Variants in COG1 observed in about 807,000 individuals in gnomAD.
COG1 encodes the protein conserved oligomeric Golgi complex subunit 1.
Under a neutral mutation model 102.2 loss-of-function variants are expected in COG1, and 61 were observed. The ratio of observed to expected loss-of-function variants is 0.60; its 90% CI spans 0.49 to 0.74. The LOEUF is 0.74. Ranked by LOEUF, COG1 falls within the 30% of genes least tolerant of loss-of-function variation. The pLI, the probability that COG1 is intolerant of heterozygous loss-of-function variation, is 0.00. For synonymous variants in COG1, 454 were observed against 493.6 expected (o/e 0.92, Z 1.06); for missense variants, 1,164 against 1,232.1 (o/e 0.94, Z 0.83).
intron 10 of COG1, chr17:73,205,912 A>G: frequency 1.5e-6 from 1 of 684,886 alleles, no homozygotes; most frequent in South Asian, 1.7e-5. Flanking sequence ...TCAGCCTAGC[A>G]GCTGCTGAGT....
rs193248551 is a variant in COG1, at chr17:73,196,904, A to C, written c.565A>C (p.Thr189Pro). 1.1e-5 allele frequency: 18 copies of C among 1,614,074 alleles called. No homozygotes were observed. The highest frequency in any genetic ancestry group is 1.4e-5 in the Non-Finnish European group (17 of 1,180,042). ...CTTCTGTCATCATTTTTCTAGGTCAACTATTCTGCATGAAAGCAAGATGTT... is the reference window on the plus strand; with the variant it reads ...CTTCTGTCATCATTTTTCTAGGTCACCTATTCTGCATGAAAGCAAGATGTT... ...QVAAASHFRS[T>P]ILHESKMLLK... Residue 189 changes from threonine to proline, a missense_variant, in exon 3 of 14, where the codon ACT (threonine) becomes CCT (proline). Coordinates refer to ENST00000299886, the MANE Select transcript of COG1 (RefSeq NM_018714.3).
Position 73,203,290 on chromosome 17 carries a change from G to A in COG1, c.2220+144G>A, listed in dbSNP as rs923860104. On this transcript the variant is annotated intron_variant, in intron 8 of 13. Coordinates refer to ENST00000299886, the MANE Select transcript of COG1 (RefSeq NM_018714.3). ...TTTCTACTGTGGGGGCATAGTAGAT[G>A]TAGGGCTAAGTAAATGGCAGACTGT... 49 of 1,021,226 alleles carry A rather than the reference G, an allele frequency of 4.8e-5. 1 individual carries two copies. Among genetic ancestry groups the A allele is most frequent in the Middle Eastern group, 2.2e-4 (1 of 4,568 alleles). The allele number at this position is 1,021,226 out of a possible 1,614,324, so 63.3% of individuals were successfully genotyped here.
chr17:73,201,976 C>T, intron 7 of COG1, 76 bp downstream of exon 7: 2 of 1,337,128 alleles, frequency 1.5e-6, no homozygotes, highest in Admixed American at 1.8e-5. Context: ...CAATCAGTTC[C>T]TTCAGTAGTA....
chr17:73,207,955 C>G (rs1436192121), intron 13 of COG1: 6 of 1,214,000 alleles, frequency 4.9e-6, no homozygotes, highest in Non-Finnish European at 6.2e-6. Flanking sequence ...AAAGCTCTTG[C>G]AAAAACCATC....
chr17:73,195,280 C>T (rs576707096), intron 1 of COG1, among the ~76,000 whole-genome samples: 6 of 151,902 alleles, frequency 3.9e-5, no homozygotes, highest in South Asian at 4.2e-4. Context: ...ACAACCTGGT[C>T]GAGGAAATAA....
At chr17:73,202,023 A>G in intron 7 of COG1, 123 bp downstream of exon 7, 1 of 1,076,504 alleles carries the variant, frequency 9.3e-7, no homozygotes, top group Non-Finnish European at 1.4e-6. Flanking sequence ...GGTTAACTTT[A>G]TCTCTGCCAG....
chr17:73,197,294 G>A lies in COG1; in HGVS notation c.811G>A (p.Ala271Thr). The change falls in exon 4 of 14, where the codon GCC (alanine) becomes ACC (threonine). Residue 271 changes from alanine to threonine, a missense_variant. Ala to Thr is a moderately conservative substitution (Grantham distance 58). Coordinates refer to ENST00000299886, the MANE Select transcript of COG1 (RefSeq NM_018714.3). Reference sequence around the variant, plus strand: ...GGCCACCACTCTGAAGCAAGCTCATGCCCTTTTCTACACTTTGCCAGAAGG... The same window carrying A: ...GGCCACCACTCTGAAGCAAGCTCATACCCTTTTCTACACTTTGCCAGAAGG... The part of the protein sequence containing the change: ...LLATTLKQAH[A>T]LFYTLPEGLL... 1.2e-6 allele frequency: 2 copies of A among 1,614,224 alleles called. No homozygotes were observed. Among genetic ancestry groups the A allele is most frequent in the Non-Finnish European group, 1.7e-6 (2 of 1,180,052 alleles).
chr17:73,199,647 T>A (rs1488152440), intron 4 of COG1, among the ~76,000 whole-genome samples: 1 of 152,120 alleles, frequency 6.6e-6, no homozygotes, highest in East Asian at 1.9e-4. Context: ...TGATCATGGG[T>A]CACTGCAGCC....
Position 73,206,694 on chromosome 17 carries a change from C to T in COG1, c.2620-14C>T. The T allele has an allele frequency of 6.3e-7, 1 of 1,583,278 alleles. No homozygotes were observed. ...CTGCACAATGAAACCTCTGCTCCAC[C>T]TCTTGTCTGCCAGGTTCTGTTTGGA... On this transcript the variant is annotated splice_polypyrimidine_tract_variant and intron_variant, in intron 11 of 13. Transcript: ENST00000299886.
At position 73,201,377 on chromosome 17, in the gene COG1, TC is replaced by T; in HGVS notation, c.1551del (p.Cys518ValfsTer8). ...GCCATCAGCCCTTGTGTACAGAACT[TC>T]TGTTCTGCCCTGGATTCTAAGCTGA... The part of the protein sequence containing the change: ...AQAISPCVQN[F>X]CSALDSKLKV... On this transcript the variant is annotated frameshift_variant, in exon 7 of 14. Transcript: ENST00000299886. LOFTEE classifies it high-confidence loss of function. 6.2e-7 allele frequency: 1 copy of T among 1,614,182 alleles called. No homozygotes were observed. Among genetic ancestry groups the T allele is most frequent in the Non-Finnish European group, 8.5e-7 (1 of 1,180,034 alleles).
rs142830395 is a variant in COG1 at position 73,200,738 on chromosome 17, G to C, written c.1243G>C (p.Glu415Gln). 54 of 1,614,070 alleles carry C rather than the reference G, an allele frequency of 3.3e-5. No homozygotes were observed. The African/African-American group carries it at 6.1e-4, about 18-fold the overall frequency. The change falls in exon 6 of 14, where the codon GAA becomes CAA. Residue 415 changes from glutamate to glutamine, a missense_variant. By Grantham distance (29) the Glu-to-Gln change is conservative. Transcript: ENST00000299886. Reference protein sequence around the residue: ...RLLEKPLLFWEDMMQQLFLDR... With the variant: ...RLLEKPLLFWQDMMQQLFLDR... ...TCTGGAGAAGCCGCTCTTGTTCTGG[G>C]AAGATATGATGCAGCAACTGTTCCT...
Position 73,201,212 on chromosome 17 carries a change from A to G in COG1, c.1385A>G (p.Asn462Ser), listed in dbSNP as rs1212675257. ...LESSTSNSPS[N>S]KHIHFEYNMS... is the part of the protein sequence containing the mutation. ...AGCAGCACCAGCAACTCCCCTTCAA[A>G]TAAGCACATCCACTTTGAGTACAAC... Residue 462 changes from asparagine (N) to serine (S), a missense_variant, in exon 7 of 14, where the codon AAT (asparagine) becomes AGT (serine). Physicochemically the swap from Asn to Ser is conservative, Grantham distance 46. Transcript: ENST00000299886. 4.3e-6 allele frequency: 7 copies of G among 1,614,114 alleles called. No individual in the cohort carries two copies. Among genetic ancestry groups the G allele is most frequent in the Non-Finnish European group, 5.1e-6 (6 of 1,180,008 alleles).
Position 73,200,599 on chromosome 17 carries a change from C to T in COG1, c.1104C>T (p.Asn368=). 6.2e-7 allele frequency: 1 copy of T among 1,614,172 alleles called. No individual in the cohort carries two copies. The highest frequency in any genetic ancestry group is 8.5e-7 in the Non-Finnish European group (1 of 1,180,042). Residue 368 remains asparagine (N), a synonymous_variant, in exon 6 of 14, where the codon AAC becomes AAT. Transcript: ENST00000299886. ...AAGACATTAAAAATGGGATCACCAA[C>T]CTGCTCATGTACGTGAAGAGCATGA... is the stretch of plus-strand genomic sequence containing the variant. ...CNEDIKNGIT[N]LLMYVKSMKG... is the part of the protein sequence containing the mutation.
rs761623437 is a variant in COG1, at chr17:73,201,136, A to G, written c.1309A>G (p.Ile437Val). 5.6e-6 allele frequency: 9 copies of G among 1,614,204 alleles called. 1 individual carries two copies. In the South Asian group the frequency reaches 7.7e-5, roughly 14 times the overall value. Residue 437 changes from isoleucine to valine, a missense_variant, in exon 7 of 14, where the codon ATC becomes GTC. Physicochemically the swap from Ile to Val is conservative, Grantham distance 29 (BLOSUM62 3). Coordinates refer to ENST00000299886, the MANE Select transcript of COG1 (RefSeq NM_018714.3). ...QTLTKEGFDS[I>V]SSSSKELLVS... The stretch of plus-strand genomic sequence containing the variant: ...TCTGACAAAAGAAGGCTTTGACTCC[A>G]TCTCCAGTAGCTCCAAGGAGCTCTT...
At chr17:73,193,457 C>A in intron 1 of COG1, 73 bp downstream of exon 1, 4 of 1,359,994 alleles carry the variant, frequency 2.9e-6, no homozygotes, top group Non-Finnish European at 3.8e-6. Flanking sequence ...GTCAACCCCG[C>A]CCCCCTCTGT....
rs896415013 is a variant in COG1 at position 73,193,289 on chromosome 17, G to T, written c.220G>T (p.Val74Leu). 3.8e-6 allele frequency: 6 copies of T among 1,597,826 alleles called. No homozygotes were observed. The highest frequency in any genetic ancestry group is 8.5e-7 in the Non-Finnish European group (1 of 1,173,888). Residue 74 changes from valine (V) to leucine (L), a missense_variant, in exon 1 of 14, where the codon GTG becomes TTG. Transcript: ENST00000299886. ...DTIGQMRRCAVGLVDAVKATD... is the reference protein window; with the variant it reads ...DTIGQMRRCALGLVDAVKATD... The stretch of plus-strand genomic sequence containing the variant: ...CATCGGCCAGATGCGCCGCTGCGCC[G>T]TGGGGCTAGTGGACGCCGTGAAGGC...
chr17:73,206,580 G>T, intron 11 of COG1, 128 bp from the exon 12 acceptor site: 1 of 740,528 alleles, frequency 1.4e-6, no homozygotes, highest in Non-Finnish European at 2.4e-6. Context: ...AAGCATAAAT[G>T]CACTCAGAAC....
Position 73,193,136 on chromosome 17 carries a change from G to A in COG1, c.67G>A (p.Glu23Lys), listed in dbSNP as rs1258425427. The change falls in exon 1 of 14, where the codon GAG becomes AAG. Residue 23 changes from glutamate (E) to lysine (K), a missense_variant. Coordinates refer to ENST00000299886, the MANE Select transcript of COG1 (RefSeq NM_018714.3). ...TCTGCGCGACCCTGCGGCTCTTTTC[G>A]AGACGCATGGAGCGGAGGAGATCCG... Reference protein sequence around the residue: ...LDLRDPAALFETHGAEEIRGL... With the variant: ...LDLRDPAALFKTHGAEEIRGL... 3 of 1,610,430 alleles carry A rather than the reference G, an allele frequency of 1.9e-6. No individual in the cohort carries two copies. Among genetic ancestry groups the A allele is most frequent in the Non-Finnish European group, 2.5e-6 (3 of 1,179,012 alleles).
intron 1 of COG1, among the ~76,000 whole-genome samples, chr17:73,194,557 G>A (rs1168264580): frequency 1.3e-5 from 2 of 151,762 alleles, no homozygotes; most frequent in Admixed American, 1.3e-4. Context: ...TCCGCCTCCC[G>A]GGTTCAAGCG....
Sources: allele counts gnomAD v4.1 joint callset (sites outside exome capture counted in the v4.1 genomes callset), GRCh38; gene constraint gnomAD v4.1.1; transcripts MANE v1.5; gene names NCBI Gene and HGNC (gene_info 2026-07-23, HGNC 2026-07-21).